TGM3: variants seen among roughly 807,000 people sequenced by gnomAD.
The protein encoded by TGM3 is transglutaminase 3.
Under a neutral mutation model 73.8 loss-of-function variants are expected in TGM3, and 52 were observed. The observed-to-expected ratio is 0.70, with a 90% CI of 0.56 to 0.89. TGM3 has a LOEUF of 0.89. Among genes scored for constraint, TGM3 ranks in the 40% least tolerant of loss-of-function variants. The pLI is 0.00. For synonymous variants in TGM3, 372 were observed against 354.9 expected, an observed-to-expected ratio of 1.05 and a Z score of -0.54; for missense variants, 928 against 909.9, an observed-to-expected ratio of 1.02 and a Z score of -0.26.
At position 2,309,791 on chromosome 20, in the gene TGM3, C is replaced by G; in HGVS notation, c.142C>G (p.Leu48Val). ...GGTCTTAATGATCATGAACAAAGGC[C>G]TTGGCTCTAACGAAAGACTGGAGTT... ...FQVLMIMNKG[L>V]GSNERLEFIV... Residue 48 changes from leucine (L) to valine (V), a missense_variant, in exon 2 of 13, where the codon CTT (leucine) becomes GTT (valine). Physicochemically the swap from Leu to Val is conservative, Grantham distance 32 (BLOSUM62 1). Transcript: ENST00000381458. 6.2e-7 allele frequency: 1 copy of G among 1,614,214 alleles called. No individual in the cohort carries two copies. The highest frequency in any genetic ancestry group is 8.5e-7 in the Non-Finnish European group (1 of 1,180,036).
In TGM3 at chr20:2,328,478, C is replaced by T; in HGVS notation, c.1333+113C>T. 1 of 1,429,560 alleles carries T rather than the reference C, an allele frequency of 7.0e-7. No homozygotes were observed. 88.6% of individuals were successfully genotyped at this position (1,429,560 alleles called of 1,614,324 possible). On this transcript the variant is annotated intron_variant, in intron 9 of 12. Coordinates refer to ENST00000381458, the MANE Select transcript of TGM3 (RefSeq NM_003245.4). This position sits in a 1 kb window ranked among gnomAD's most constrained non-coding sequence, Gnocchi z 5.2. ...TCCCCCGCACTGGCAGCCAGTTCTGCCTGAATGATAGGATTGCTCCCTAGC... is the reference window on the plus strand; with the variant it reads ...TCCCCCGCACTGGCAGCCAGTTCTGTCTGAATGATAGGATTGCTCCCTAGC...
chr20:2,301,173 C>T (rs1216960182), intron 1 of TGM3, among the ~76,000 whole-genome samples: 1 of 151,536 alleles, frequency 6.6e-6, no homozygotes, highest in African/African-American at 2.4e-5. Context: ...GGAAATGACA[C>T]AGGCTAGAAA....
At chr20:2,319,314 C>G (rs916349841) in intron 7 of TGM3, among the ~76,000 whole-genome samples, 1 of 152,148 alleles carries the variant, frequency 6.6e-6, no homozygotes, top group African/African-American at 2.4e-5. Context: ...AAGCTTAAGT[C>G]TCAGTTCCTC....
In TGM3 at chr20:2,331,985, C is replaced by A; in HGVS notation, c.1334-17C>A. 2 of 1,579,642 alleles carry A rather than the reference C, an allele frequency of 1.3e-6. No individual in the cohort carries two copies. The highest frequency in any genetic ancestry group is 1.7e-6 in the Non-Finnish European group (2 of 1,162,562). On this transcript the variant is annotated splice_polypyrimidine_tract_variant and intron_variant, in intron 9 of 12. Transcript: ENST00000381458. ...CATCACATCCCTGGCATGTTTCTGT[C>A]TTTTCCCACCACACAGGCTCTGACC...
intron 2 of TGM3, 33 bp from the exon 3 acceptor site, chr20:2,310,145 G>A (rs769347173): frequency 2.5e-6 from 4 of 1,612,632 alleles, no homozygotes; most frequent in East Asian, 2.2e-5. Context: ...ACCAGTGCTT[G>A]TTGGTTTTCT....
intron 11 of TGM3, among the ~76,000 whole-genome samples, chr20:2,336,964 C>G (rs972555241): frequency 1.3e-5 from 2 of 152,132 alleles, no homozygotes; most frequent in African/African-American, 4.8e-5. Context: ...TATACACCCT[C>G]AGAACATTCT....
intron 7 of TGM3, among the ~76,000 whole-genome samples, chr20:2,319,222 T>C (rs2084250881): frequency 6.6e-6 from 1 of 152,146 alleles, no homozygotes; most frequent in African/African-American, 2.4e-5. Flanking sequence ...CAAAAGGAGA[T>C]GGTTGGTGAG....
intron 5 of TGM3, among the ~76,000 whole-genome samples, chr20:2,313,809 G>A (rs2084219746): frequency 6.6e-6 from 1 of 152,132 alleles, no homozygotes; most frequent in Non-Finnish European, 1.5e-5. Flanking sequence ...TGGGAAGATG[G>A]CTTGAGCCCA....
chr20:2,299,435 C>CT (rs11087374), intron 1 of TGM3, among the ~76,000 whole-genome samples: 112,386 of 151,984 alleles, frequency 0.74, 43,453 homozygotes, highest in East Asian at 0.93. Flanking sequence ...TAACTTCATG[C>CT]GGCTCCACCC....
At position 2,309,648 on chromosome 20, in the gene TGM3, G is replaced by A; in HGVS notation, c.8-9G>A. The stretch of plus-strand genomic sequence containing the variant: ...CCTAGGACTTCAGGTTCTCCTTTCT[G>A]CCTCACAGCTCTAGGAGTCCAGAGT... On this transcript the variant is annotated splice_polypyrimidine_tract_variant and intron_variant, in intron 1 of 12. Coordinates refer to ENST00000381458, the MANE Select transcript of TGM3 (RefSeq NM_003245.4). The A allele has an allele frequency of 6.2e-7, 1 of 1,613,204 alleles. No individual in the cohort carries two copies. The highest frequency in any genetic ancestry group is 8.5e-7 in the Non-Finnish European group (1 of 1,179,736).
intron 1 of TGM3, among the ~76,000 whole-genome samples, chr20:2,296,435 G>A (rs1035365890): frequency 6.6e-6 from 1 of 152,160 alleles, no homozygotes; most frequent in African/African-American, 2.4e-5. Context: ...CGGGTCTCGT[G>A]TTTCTCAGTG....
rs2084194849 is a variant in TGM3, at chr20:2,310,032, C to G, written c.182-146C>G. 10 of 1,390,076 alleles carry G rather than the reference C, an allele frequency of 7.2e-6. 1 individual carries two copies. The South Asian group carries it at 1.3e-4, about 18-fold the overall frequency. The allele number at this position is 1,390,076 out of a possible 1,614,324, so 86.1% of individuals were successfully genotyped here. On this transcript the variant is annotated intron_variant, in intron 2 of 12. Transcript: ENST00000381458. ...ATCCTCAAATCAAGAGGGATCTGGC[C>G]TGTATGTTTGTTCCAGTTACTTCCA...
Position 2,340,769 on chromosome 20 carries a change from C to G in TGM3, c.*188C>G, listed in dbSNP as rs1309170592. The G allele has an allele frequency of 1.3e-6, 1 of 773,970 alleles. No homozygotes were observed. Among genetic ancestry groups the G allele is most frequent in the Non-Finnish European group, 2.2e-6 (1 of 453,446 alleles). 47.9% of individuals were successfully genotyped at this position (773,970 alleles called of 1,614,324 possible). A position where few individuals can be genotyped will look rare whatever the true frequency, so the allele number is the denominator to read the frequency against. On this transcript the variant is annotated 3_prime_UTR_variant, in exon 13 of 13. Transcript: ENST00000381458. ...CCCCCAGGTTGGGGCTGGGTCCACC[C>G]TGTCCTATGACTTGATCACTTTTGC...
intron 1 of TGM3, among the ~76,000 whole-genome samples, chr20:2,300,105 T>G (rs2084134842): frequency 7.2e-6 from 1 of 138,952 alleles, no homozygotes; most frequent in African/African-American, 2.8e-5. Context: ...AGACTCCATT[T>G]AAAAAAAAAA....
chr20:2,298,193 G>A (rs1377340215), intron 1 of TGM3, among the ~76,000 whole-genome samples: 1 of 152,150 alleles, frequency 6.6e-6, no homozygotes, highest in Non-Finnish European at 1.5e-5. Flanking sequence ...TAAGGTTCTT[G>A]TTGCAATCAG....
chr20:2,305,233 C>T (rs2084170786), intron 1 of TGM3, among the ~76,000 whole-genome samples: 1 of 78,624 alleles, frequency 1.3e-5, no homozygotes. Flanking sequence ...GGGCATAAGG[C>T]TGAAAGTCCC....
chr20:2,307,367 G>T (rs1453974607), intron 1 of TGM3, among the ~76,000 whole-genome samples: 1 of 151,964 alleles, frequency 6.6e-6, no homozygotes, highest in Admixed American at 6.6e-5. Context: ...ACTCTCTCCT[G>T]TCTCACCTTT....
rs1309610122 is a variant in TGM3 at position 2,332,941 on chromosome 20, T to C, written c.1642+631T>C. On this transcript the variant is annotated intron_variant, in intron 10 of 12. Transcript: ENST00000381458. The surrounding 1 kb of genome is among the most constrained non-coding windows in gnomAD (Gnocchi z 4.4). ...GGGGTGGGTGGACCTTCTGGAATCC[T>C]GACAACAGTGACAGGTTTTCTTAGA... Among the ~76,000 whole-genome samples, 2 of 152,206 alleles carry C rather than the reference T, an allele frequency of 1.3e-5. No individual in the cohort carries two copies. The highest frequency in any genetic ancestry group is 6.5e-5 in the Admixed American group (1 of 15,280).
intron 7 of TGM3, among the ~76,000 whole-genome samples, chr20:2,321,332 A>T (rs76934580): frequency 6.6e-6 from 1 of 152,244 alleles, no homozygotes; most frequent in Admixed American, 6.5e-5. Context: ...TGGAGTAGCA[A>T]TGAAATCAAT....
Sources: allele counts gnomAD v4.1 joint callset (sites outside exome capture counted in the v4.1 genomes callset), GRCh38; gene constraint gnomAD v4.1.1; non-coding constraint Gnocchi (gnomAD v3.1); transcripts MANE v1.5; gene names NCBI Gene and HGNC (gene_info 2026-07-23, HGNC 2026-07-21).